The following BRCA2 variants were observed in gnomAD, a reference collection of about 807,000 sequenced individuals.
BRCA2 encodes the protein BRCA2 DNA repair associated, also known as breast cancer type 2 susceptibility protein.
Under a neutral mutation model 276.7 loss-of-function variants are expected in BRCA2, and 203 were observed. The ratio of observed to expected loss-of-function variants is 0.73; its 90% CI spans 0.65 to 0.82. The LOEUF is 0.82. BRCA2 is among the 40% of genes least tolerant of loss of function. BRCA2 has a pLI of 0.00. For synonymous variants in BRCA2, 1,289 were observed against 1,338.4 expected, an observed-to-expected ratio of 0.96 and a Z score of 0.81; for missense variants, 3,920 against 3,915.0, an observed-to-expected ratio of 1.00 and a Z score of -0.03.
At chr13:32,386,762 A>G (rs981620831) in intron 24 of BRCA2, among the ~76,000 whole-genome samples, 1 of 152,166 alleles carries the variant, frequency 6.6e-6, no homozygotes, top group African/African-American at 2.4e-5. Flanking sequence ...TCTATTCATG[A>G]TACAGTATGT....
chr13:32,361,849 G>A (rs1471402046), intron 16 of BRCA2, among the ~76,000 whole-genome samples: 1 of 152,074 alleles, frequency 6.6e-6, no homozygotes, highest in Non-Finnish European at 1.5e-5. Flanking sequence ...GAACAGAGGG[G>A]ACAGGATCAA....
At position 32,355,929 on chromosome 13, in the gene BRCA2, C is replaced by T. The variant is rs972949027; in HGVS notation, c.7436-499C>T. On this transcript the variant is annotated intron_variant, in intron 14 of 26. Coordinates refer to ENST00000380152, the MANE Select transcript of BRCA2 (RefSeq NM_000059.4). ...AGATATTCATATTTATACAGCTTTA[C>T]AAGTTGAAACATCCTTTCATTTATG... Among the ~76,000 whole-genome samples, 4 of 151,762 alleles carry T rather than the reference C, an allele frequency of 2.6e-5. No homozygotes were observed. The South Asian group carries it at 6.2e-4, about 24-fold the overall frequency.
intron 24 of BRCA2, among the ~76,000 whole-genome samples, chr13:32,388,285 A>AT (rs2072974856): frequency 6.6e-6 from 1 of 151,928 alleles, no homozygotes; most frequent in South Asian, 2.1e-4. Flanking sequence ...CACACGGCTA[A>AT]TTTTTTGTAT....
At chr13:32,317,322 T>C (rs1160100236) in intron 2 of BRCA2, among the ~76,000 whole-genome samples, 1 of 151,930 alleles carries the variant, frequency 6.6e-6, no homozygotes, top group African/African-American at 2.4e-5. Context: ...AACAAGTGAG[T>C]GGAATAGTTT....
chr13:32,333,398 C>CA lies in BRCA2; in HGVS notation c.1909+11_1909+12insA, dbSNP rs2072425470. The CA allele has an allele frequency of 8.0e-7, 1 of 1,254,524 alleles. No homozygotes were observed. The highest frequency in any genetic ancestry group is 1.1e-6 in the Non-Finnish European group (1 of 913,372). 77.7% of individuals were successfully genotyped at this position (1,254,524 alleles called of 1,614,324 possible). ...CAAATGCTGATTCAGGTACCTCTGT[C>CA]TTTTTTTTTTTGTAAATAGTACATA... On this transcript the variant is annotated intron_variant, in intron 10 of 26. Transcript: ENST00000380152.
chr13:32,326,117 T>C lies in BRCA2; in HGVS notation c.442T>C (p.Cys148Arg), dbSNP rs80358677. ...CLSESPVVLQ[C>R]THVTPQRDKS... is the part of the protein sequence containing the mutation. ...TTATTTTAGTCCTGTTGTTCTACAATGTACACATGTAACACCACAAAGAGA... is the reference window on the plus strand; with the variant it reads ...TTATTTTAGTCCTGTTGTTCTACAACGTACACATGTAACACCACAAAGAGA... The change falls in exon 5 of 27, where the codon TGT (cysteine) becomes CGT (arginine). Residue 148 changes from cysteine to arginine, a missense_variant. Transcript: ENST00000380152. 1.1e-5 allele frequency: 18 copies of C among 1,610,246 alleles called. No homozygotes were observed. The highest frequency in any genetic ancestry group is 6.7e-5 in the Admixed American group (4 of 60,006).
Position 32,363,470 on chromosome 13 carries a change from A to C in BRCA2, c.8268A>C (p.Ala2756=), listed in dbSNP as rs746260964. Residue 2756 remains alanine, a synonymous_variant, in exon 18 of 27, where the codon GCA becomes GCC. Coordinates refer to ENST00000380152, the MANE Select transcript of BRCA2 (RefSeq NM_000059.4). ...GTCAGAAGATTATTCTTCATGGAGC[A>C]GAACTGGTGGGCTCTCCTGATGCCT... is the stretch of plus-strand genomic sequence containing the variant. ...TVGQKIILHG[A]ELVGSPDACT... 6.2e-7 allele frequency: 1 copy of C among 1,614,192 alleles called. No individual in the cohort carries two copies. Among genetic ancestry groups the C allele is most frequent in the South Asian group, 1.1e-5 (1 of 91,076 alleles).
intron 5 of BRCA2, 31 bp from the exon 6 acceptor site, chr13:32,326,211 C>T (rs762445103): frequency 1.2e-6 from 2 of 1,611,800 alleles, no homozygotes; most frequent in Non-Finnish European, 1.7e-6. Flanking sequence ...AAAAATAAAA[C>T]TTAACAATTT....
chr13:32,328,116 A>C (rs2072363374), intron 7 of BRCA2, among the ~76,000 whole-genome samples: 1 of 152,334 alleles, frequency 6.6e-6, no homozygotes, highest in Non-Finnish European at 1.5e-5. Flanking sequence ...ATGTGATTAT[A>C]GTACAAACAA....
intron 24 of BRCA2, among the ~76,000 whole-genome samples, chr13:32,388,070 G>A (rs965973740): frequency 6.6e-6 from 1 of 151,362 alleles, no homozygotes; most frequent in African/African-American, 2.4e-5. Flanking sequence ...CTCCGCACAC[G>A]AGAACACCCG....
intron 2 of BRCA2, among the ~76,000 whole-genome samples, chr13:32,317,893 C>T (rs2072275306): frequency 6.6e-6 from 1 of 152,176 alleles, no homozygotes; most frequent in South Asian, 2.1e-4. Context: ...GAAAAAATTG[C>T]TTGTTCAGAT....
At position 32,380,424 on chromosome 13, in the gene BRCA2, G is replaced by A. The variant is rs7328654; in HGVS notation, c.9256+279G>A. ...CAATTTATGTTTTCTTACTATTTCT[G>A]GTGTATGTGTTTATCCCATTGTGAT... On this transcript the variant is annotated intron_variant, in intron 24 of 26. Transcript: ENST00000380152. Among the ~76,000 whole-genome samples the A allele has an allele frequency of 0.53, 80,619 of 151,680 alleles. 21,497 individuals are homozygous for A. The highest frequency in any genetic ancestry group is 0.57 in the East Asian group (2,959 of 5,180).
intron 7 of BRCA2, among the ~76,000 whole-genome samples, chr13:32,326,987 A>G (rs2072354902): frequency 6.6e-6 from 1 of 152,148 alleles, no homozygotes; most frequent in Admixed American, 6.5e-5. Flanking sequence ...TGTTTTCTCT[A>G]CTTAAATGTG....
chr13:32,379,218 A>G (rs1007256662), intron 21 of BRCA2, 99 bp from the exon 22 acceptor site: 11 of 1,119,714 alleles, frequency 9.8e-6, no homozygotes, highest in Non-Finnish European at 1.5e-5. Flanking sequence ...GATGAGCTCT[A>G]ATTTTGTTGT....
At chr13:32,374,172 A>C (rs1301777327) in intron 20 of BRCA2, among the ~76,000 whole-genome samples, 9 of 152,266 alleles carry the variant, frequency 5.9e-5, no homozygotes, top group Admixed American at 5.9e-4. Context: ...GGCCCAGCCC[A>C]CAAAACCATT....
intron 13 of BRCA2, among the ~76,000 whole-genome samples, chr13:32,354,055 T>C (rs924126805): frequency 3.3e-5 from 5 of 152,212 alleles, no homozygotes; most frequent in Non-Finnish European, 5.9e-5. Context: ...GAGACTTTTT[T>C]TGAGGAATCA....
In BRCA2 at chr13:32,379,723, GCATCTTTCT is replaced by G. The variant is rs398122718; in HGVS notation, c.8954-16_8954-8del. ...TTAAATGATAATCACTTCTTCCATT[GCATCTTTCT>G]CATCTTTCTCCAAACAGTTATACTG... is the stretch of plus-strand genomic sequence containing the variant. On this transcript the variant is annotated intron_variant, in intron 22 of 26. Transcript: ENST00000380152. 6.3e-7 allele frequency: 1 copy of G among 1,598,804 alleles called. No homozygotes were observed. The highest frequency in any genetic ancestry group is 8.6e-7 in the Non-Finnish European group (1 of 1,166,576).
chr13:32,352,075 A>G (rs2072657148), intron 13 of BRCA2, among the ~76,000 whole-genome samples: 1 of 152,218 alleles, frequency 6.6e-6, no homozygotes, highest in Non-Finnish European at 1.5e-5. Context: ...TGCTGGGATT[A>G]CAGACGTGAG....
At chr13:32,334,020 T>C (rs1380981780) in intron 10 of BRCA2, among the ~76,000 whole-genome samples, 1 of 152,252 alleles carries the variant, frequency 6.6e-6, no homozygotes, top group African/African-American at 2.4e-5. Context: ...CAGTCTATCA[T>C]TGATGGGCAT....
Sources: allele counts gnomAD v4.1 joint callset (sites outside exome capture counted in the v4.1 genomes callset), GRCh38; gene constraint gnomAD v4.1.1; transcripts MANE v1.5; gene names NCBI Gene and HGNC (gene_info 2026-07-23, HGNC 2026-07-21).